The following PPEF2 variants were observed in gnomAD, a reference collection of about 807,000 sequenced individuals.
The protein encoded by PPEF2 is serine/threonine-protein phosphatase with EF-hands 2.
PPEF2 carries 84 observed loss-of-function variants against 84.7 expected under a neutral mutation model. The ratio of observed to expected loss-of-function variants is 0.99; its 90% CI spans 0.83 to 1.19. The LOEUF (loss-of-function observed/expected upper bound fraction) is 1.19, where lower values mean the gene tolerates loss of function less well. PPEF2 is among the 50% of genes most tolerant of loss of function. PPEF2 has a pLI of 0.00. For synonymous variants in PPEF2, 346 were observed against 345.2 expected (o/e 1.00, Z -0.03); for missense variants, 924 against 937.5 (o/e 0.99, Z 0.19).
At chr4:75,866,382 T>C in intron 14 of PPEF2, 30 bp from the exon 15 acceptor site, 1 of 1,607,724 alleles carries the variant, frequency 6.2e-7, no homozygotes, top group Non-Finnish European at 8.5e-7. Context: ...TGTTGCCTTG[T>C]CACCTAGAAG....
chr4:75,884,697 C>T lies in PPEF2; in HGVS notation c.643G>A (p.Asp215Asn), dbSNP rs267600260. The T allele has an allele frequency of 6.2e-7, 1 of 1,613,304 alleles. No homozygotes were observed. The highest frequency in any genetic ancestry group is 1.3e-5 in the African/African-American group (1 of 74,892). The stretch of plus-strand genomic sequence containing the variant: ...AGAATCATCAGGATCTCTACTGAAT[C>T]CTTGCCTCGATCCACAAAGTCACCG... ...FNGDFVDRGK[D>N]SVEILMILFA... The change falls in exon 8 of 17, where the codon GAT (aspartate) becomes AAT (asparagine). Residue 215 changes from aspartate (D) to asparagine (N), a missense_variant. Physicochemically the swap from Asp to Asn is conservative, Grantham distance 23. Transcript: ENST00000286719.
chr4:75,861,504 A>T (rs925448686), intron 16 of PPEF2, among the ~76,000 whole-genome samples: 3 of 131,260 alleles, frequency 2.3e-5, no homozygotes, highest in African/African-American at 5.0e-5. Context: ...AACACTATAT[A>T]AAAAAAACTA....
chr4:75,866,416 G>A (rs1162959822), intron 14 of PPEF2, 64 bp from the exon 15 acceptor site: 5 of 1,570,106 alleles, frequency 3.2e-6, no homozygotes, highest in Non-Finnish European at 4.3e-6. Flanking sequence ...CCAATGGTGT[G>A]TATATTTTTA....
intron 4 of PPEF2, 68 bp from the exon 5 acceptor site, chr4:75,890,200 A>G: frequency 4.5e-6 from 7 of 1,564,994 alleles, no homozygotes; most frequent in Non-Finnish European, 6.1e-6. Flanking sequence ...GCACTATAGA[A>G]TAGTCCTTGG....
At chr4:75,877,732 G>A (rs1253292127) in intron 10 of PPEF2, among the ~76,000 whole-genome samples, 1 of 151,124 alleles carries the variant, frequency 6.6e-6, no homozygotes, top group Admixed American at 6.6e-5. Context: ...TTTTACATAG[G>A]TACACACATG....
At chr4:75,888,595 T>G (rs1316527762) in intron 5 of PPEF2, among the ~76,000 whole-genome samples, 1 of 152,234 alleles carries the variant, frequency 6.6e-6, no homozygotes, top group Non-Finnish European at 1.5e-5. Context: ...TTCCTTGCCT[T>G]TAGCATGGGA....
intron 7 of PPEF2, among the ~76,000 whole-genome samples, chr4:75,886,568 A>T (rs1383810505): frequency 6.6e-6 from 1 of 152,104 alleles, no homozygotes; most frequent in Non-Finnish European, 1.5e-5. Flanking sequence ...GAAAAAAATA[A>T]AGAAATTAGG....
chr4:75,871,690 G>A (rs1383419247), intron 13 of PPEF2, among the ~76,000 whole-genome samples: 1 of 152,078 alleles, frequency 6.6e-6, no homozygotes, highest in African/African-American at 2.4e-5. Flanking sequence ...AGGCTGGTCT[G>A]GAATTCCTGG....
chr4:75,888,818 C>A (rs1215796523), intron 5 of PPEF2, among the ~76,000 whole-genome samples: 1 of 152,280 alleles, frequency 6.6e-6, no homozygotes, highest in African/African-American at 2.4e-5. Flanking sequence ...CCACTGTCAT[C>A]TTTCGCTTGG....
intron 5 of PPEF2, 103 bp from the exon 6 acceptor site, chr4:75,888,431 C>T (rs1476413031): frequency 2.1e-5 from 16 of 759,670 alleles, no homozygotes; most frequent in Non-Finnish European, 3.6e-5. Flanking sequence ...CCTAAGACCC[C>T]AAAAGTAACC....
At chr4:75,883,990 G>A (rs542162228) in intron 8 of PPEF2, among the ~76,000 whole-genome samples, 24 of 151,954 alleles carry the variant, frequency 1.6e-4, no homozygotes, top group African/African-American at 5.1e-4. Flanking sequence ...AAAATTAGCC[G>A]GGCGTGGTGG....
intron 13 of PPEF2, among the ~76,000 whole-genome samples, chr4:75,867,732 C>T (rs1192501668): frequency 1.3e-5 from 2 of 152,188 alleles, no homozygotes; most frequent in African/African-American, 2.4e-5. Flanking sequence ...TGGTACCTGT[C>T]TCCACTTCAC....
intron 3 of PPEF2, 24 bp downstream of exon 3, chr4:75,891,827 G>A: frequency 6.2e-7 from 1 of 1,601,700 alleles, no homozygotes; most frequent in African/African-American, 1.3e-5. Flanking sequence ...GCAGGAGGCG[G>A]CTCCGTCCCA....
At chr4:75,896,480 C>A in intron 1 of PPEF2, 97 bp from the exon 2 acceptor site, 1 of 726,176 alleles carries the variant, frequency 1.4e-6, no homozygotes. Context: ...AGTATCCTCT[C>A]CACCTCTCCA....
At chr4:75,864,034 G>A (rs6844961) in intron 16 of PPEF2, among the ~76,000 whole-genome samples, 11,689 of 151,644 alleles carry the variant, frequency 0.077, 1,484 homozygotes, top group African/African-American at 0.27. Context: ...CACCATGCCC[G>A]CCTAATTTTT....
chr4:75,900,492 G>A (rs1725095655), intron 1 of PPEF2, among the ~76,000 whole-genome samples: 1 of 152,194 alleles, frequency 6.6e-6, no homozygotes, highest in Admixed American at 6.5e-5. Context: ...TCATGTGGAA[G>A]GGGAAAAGGG....
At position 75,864,471 on chromosome 4, in the gene PPEF2, G is replaced by A; in HGVS notation, c.1977C>T (p.Thr659=). 1 of 1,611,438 alleles carries A rather than the reference G, an allele frequency of 6.2e-7. No homozygotes were observed. ...GATCACTGTCTATGATCCTAAAAATGGTCTCTAGGTTGGATCGGTTTCGAT... is the reference window on the plus strand; with the variant it reads ...GATCACTGTCTATGATCCTAAAAATAGTCTCTAGGTTGGATCGGTTTCGAT... The part of the protein sequence containing the change: ...TLYRNRSNLE[T]IFRIIDSDHS... Residue 659 remains threonine, a synonymous_variant, in exon 16 of 17, where the codon ACC becomes ACT. Transcript: ENST00000286719.
chr4:75,883,403 T>G (rs1174739654), intron 8 of PPEF2: 2 of 585,518 alleles, frequency 3.4e-6, no homozygotes, highest in Non-Finnish European at 6.0e-6. Flanking sequence ...ATTTTCTTCC[T>G]TTTACTTATC....
In PPEF2 at chr4:75,883,432, A is replaced by G. The variant is rs1188943280; in HGVS notation, c.747-230T>C. Reference sequence around the variant, plus strand: ...ACTTATCTGTATTTCCTGCTTTACTATCATGAATCTCTATTATTTATATGA... The same window carrying G: ...ACTTATCTGTATTTCCTGCTTTACTGTCATGAATCTCTATTATTTATATGA... On this transcript the variant is annotated intron_variant, in intron 8 of 16. Transcript: ENST00000286719. 4 of 557,042 alleles carry G rather than the reference A, an allele frequency of 7.2e-6. No individual in the cohort carries two copies. The East Asian group carries it at 1.2e-4, about 16-fold the overall frequency. The allele number at this position is 557,042 out of a possible 1,614,324, so 34.5% of individuals were successfully genotyped here.
Sources: allele counts gnomAD v4.1 joint callset (sites outside exome capture counted in the v4.1 genomes callset), GRCh38; gene constraint gnomAD v4.1.1; transcripts MANE v1.5; gene names NCBI Gene and HGNC (gene_info 2026-07-23, HGNC 2026-07-21).